Variants in TPGS2 observed in about 807,000 individuals in gnomAD.
TPGS2 encodes polyglutamylase subunit 2.
A neutral mutation model predicts 31.1 loss-of-function variants in TPGS2; 26 were observed. The ratio of observed to expected loss-of-function variants is 0.84; its 90% CI spans 0.61 to 1.16. TPGS2 has a LOEUF of 1.16. Ranked by LOEUF, TPGS2 falls within the 50% of genes most tolerant of loss-of-function variation. The pLI is 0.00. For synonymous variants in TPGS2, 130 were observed against 136.6 expected, an observed-to-expected ratio of 0.95 and a Z score of 0.34; for missense variants, 351 against 363.8, an observed-to-expected ratio of 0.96 and a Z score of 0.29.
At chr18:36,816,199 T>C (rs2045646621) in intron 2 of TPGS2, among the ~76,000 whole-genome samples, 2 of 152,220 alleles carry the variant, frequency 1.3e-5, no homozygotes, top group Non-Finnish European at 1.5e-5. Context: ...TTAATCCTTT[T>C]AGACCTCTGA....
chr18:36,826,763 G>A (rs2046156390), intron 1 of TPGS2, among the ~76,000 whole-genome samples: 1 of 152,152 alleles, frequency 6.6e-6, no homozygotes, highest in African/African-American at 2.4e-5. Flanking sequence ...TGAATCTGGT[G>A]TGATCTTGGG....
rs1347729128 is a variant in TPGS2, at chr18:36,798,553, G to A, written c.553C>T (p.Leu185Phe). The change falls in exon 6 of 7, where the codon CTC (leucine) becomes TTC (phenylalanine). Residue 185 changes from leucine (L) to phenylalanine (F), a missense_variant. Coordinates refer to ENST00000334295, the MANE Select transcript of TPGS2 (RefSeq NM_015476.4). ...TAATAGGCAGTAAAGGTGTCTGTGA[G>A]AAAATGCCAGTATAACGCTCTGTCC... ...FLDRALYWHF[L>F]TDTFTAYYRL... The A allele has an allele frequency of 6.2e-7, 1 of 1,614,222 alleles. No homozygotes were observed. The highest frequency in any genetic ancestry group is 8.5e-7 in the Non-Finnish European group (1 of 1,180,038).
rs2044424045 is a variant in TPGS2 at position 36,794,347 on chromosome 18, A to G, written c.*2458T>C. The G allele has an allele frequency of 1.0e-6, 1 of 985,274 alleles. No homozygotes were observed. Among genetic ancestry groups the G allele is most frequent in the Non-Finnish European group, 1.2e-6 (1 of 829,966 alleles). 61.0% of individuals were successfully genotyped at this position (985,274 alleles called of 1,614,324 possible). A position where few individuals can be genotyped will look rare whatever the true frequency, so the allele number is the denominator to read the frequency against. On this transcript the variant is annotated 3_prime_UTR_variant, in exon 7 of 7. Coordinates refer to ENST00000334295, the MANE Select transcript of TPGS2 (RefSeq NM_015476.4). Reference sequence around the variant, plus strand: ...CTCACTCCTTCTGAGGCAGGTCTTGAGCCTTTCCTTATCATAACCCCCTTC... The same window carrying G: ...CTCACTCCTTCTGAGGCAGGTCTTGGGCCTTTCCTTATCATAACCCCCTTC...
downstream of TPGS2, chr18:36,789,403 T>C (rs950041043): frequency 8.5e-5 from 13 of 152,204 alleles, no homozygotes; most frequent in African/African-American, 3.1e-4. Flanking sequence ...ACTAGACATA[T>C]GTGATTACTG....
chr18:36,803,216 A>C (rs1286640940), intron 4 of TPGS2, among the ~76,000 whole-genome samples: 1 of 152,106 alleles, frequency 6.6e-6, no homozygotes, highest in Admixed American at 6.6e-5. Flanking sequence ...AGATCACCAG[A>C]ACTTATTCCT....
chr18:36,827,338 G>A (rs1212701478), intron 1 of TPGS2, among the ~76,000 whole-genome samples: 2 of 152,248 alleles, frequency 1.3e-5, no homozygotes, highest in Non-Finnish European at 2.9e-5. Context: ...GAGAGAGCAA[G>A]AAAGACGGCG....
rs1005808719 is a variant in TPGS2 at position 36,794,735 on chromosome 18, T to G, written c.*2070A>C. ...TATCCTTTTCTGCCACTCCATGAATTGTTGCACATTTATAAATCCTTGAAG... is the reference window on the plus strand; with the variant it reads ...TATCCTTTTCTGCCACTCCATGAATGGTTGCACATTTATAAATCCTTGAAG... On this transcript the variant is annotated 3_prime_UTR_variant, in exon 7 of 7. Coordinates refer to ENST00000334295, the MANE Select transcript of TPGS2 (RefSeq NM_015476.4). 1 of 985,198 alleles carries G rather than the reference T, an allele frequency of 1.0e-6. No homozygotes were observed. Among genetic ancestry groups the G allele is most frequent in the Non-Finnish European group, 1.2e-6 (1 of 829,946 alleles). The allele number at this position is 985,198 out of a possible 1,614,324, so 61.0% of individuals were successfully genotyped here.
At chr18:36,806,043 T>C (rs2045114081) in intron 3 of TPGS2, 1 of 152,390 alleles carries the variant, frequency 6.6e-6, no homozygotes, top group African/African-American at 2.4e-5. Context: ...CTTCTGTGAT[T>C]AGGGTGTAAA....
chr18:36,782,059 T>C (rs2044030731), downstream of TPGS2: 1 of 495,058 alleles, frequency 2.0e-6, no homozygotes, highest in South Asian at 8.7e-5. Flanking sequence ...AGATTTGGAA[T>C]GTTTGTATGA....
In TPGS2 at chr18:36,807,885, G is replaced by A. The variant is rs1045279123; in HGVS notation, c.215C>T (p.Thr72Ile). 6.2e-7 allele frequency: 1 copy of A among 1,613,998 alleles called. No individual in the cohort carries two copies. The highest frequency in any genetic ancestry group is 1.3e-5 in the African/African-American group (1 of 74,902). Reference protein sequence around the residue: ...PEDVKNFYLMTNGFHMTWSVK... With the variant: ...PEDVKNFYLMINGFHMTWSVK... Reference sequence around the variant, plus strand: ...ACTCCATGTCATGTGGAAGCCATTGGTCATCAGGTAAAAGTTCTTCACATC... The same window carrying A: ...ACTCCATGTCATGTGGAAGCCATTGATCATCAGGTAAAAGTTCTTCACATC... The change falls in exon 3 of 7, where the codon ACC (threonine) becomes ATC (isoleucine). Residue 72 changes from threonine (T) to isoleucine (I), a missense_variant. By Grantham distance (89) the Thr-to-Ile change is moderately conservative. Transcript: ENST00000334295.
At chr18:36,780,205 G>C (rs1274070870), downstream of TPGS2, 14 of 1,231,328 alleles carry the variant, frequency 1.1e-5, no homozygotes, top group Admixed American at 4.6e-4. Context: ...TTTGTTAATA[G>C]AGTGAGTAAC....
intron 1 of TPGS2, among the ~76,000 whole-genome samples, chr18:36,826,383 T>C (rs2046134017): frequency 6.7e-6 from 1 of 150,138 alleles, no homozygotes; most frequent in Non-Finnish European, 1.5e-5. Flanking sequence ...ATTTTTGGAT[T>C]GTTCATTGCT....
chr18:36,815,575 C>T (rs1025433629), intron 2 of TPGS2, among the ~76,000 whole-genome samples: 1 of 152,056 alleles, frequency 6.6e-6, no homozygotes, highest in Non-Finnish European at 1.5e-5. Context: ...AAAAATACAC[C>T]AGCTGTGGTT....
At chr18:36,800,802 A>G (rs1366283571) in intron 4 of TPGS2, among the ~76,000 whole-genome samples, 1 of 151,008 alleles carries the variant, frequency 6.6e-6, no homozygotes, top group Non-Finnish European at 1.5e-5. Context: ...CAATTCTCCT[A>G]CTTCAGCCTC....
intron 2 of TPGS2, among the ~76,000 whole-genome samples, chr18:36,812,856 A>G (rs1301285089): frequency 1.3e-5 from 2 of 152,246 alleles, no homozygotes; most frequent in Non-Finnish European, 2.9e-5. Flanking sequence ...TATTCACTGC[A>G]GAACTGATAG....
intron 2 of TPGS2, 184 bp downstream of exon 2, chr18:36,818,710 G>A (rs983119474): frequency 3.2e-5 from 17 of 528,302 alleles, no homozygotes; most frequent in African/African-American, 3.2e-4. Context: ...CTCCATGCTG[G>A]GTAAGTGGCA....
chr18:36,782,201 T>G (rs1432879508), downstream of TPGS2, among the ~76,000 whole-genome samples: 9 of 152,186 alleles, frequency 5.9e-5, no homozygotes, highest in South Asian at 4.1e-4. Flanking sequence ...AAGGTCATAT[T>G]TAGAAGGAAG....
At chr18:36,801,718 A>G (rs2044825449) in intron 4 of TPGS2, among the ~76,000 whole-genome samples, 1 of 152,028 alleles carries the variant, frequency 6.6e-6, no homozygotes, top group African/African-American at 2.4e-5. Context: ...TCTTGTATGT[A>G]ATTTGTCTTT....
intron 4 of TPGS2, 87 bp downstream of exon 4, chr18:36,805,287 T>C (rs572398777): frequency 5.2e-5 from 75 of 1,443,722 alleles, no homozygotes; most frequent in Non-Finnish European, 7.0e-5. Context: ...CATTCATTCA[T>C]GCACCAAGAT....
Sources: allele counts gnomAD v4.1 joint callset (sites outside exome capture counted in the v4.1 genomes callset), GRCh38; gene constraint gnomAD v4.1.1; transcripts MANE v1.5; gene names NCBI Gene and HGNC (gene_info 2026-07-23, HGNC 2026-07-21).